The following DNAJC13 variants were observed in gnomAD, a reference collection of about 807,000 sequenced individuals.
DNAJC13 encodes the protein dnaJ homolog subfamily C member 13.
In DNAJC13, 75 loss-of-function variants were observed where a neutral mutation model predicts 290.5. The observed-to-expected ratio is 0.26, with a 90% CI of 0.21 to 0.31. DNAJC13 has a LOEUF of 0.31. Ranked by LOEUF, DNAJC13 falls within the 10% of genes least tolerant of loss-of-function variation. The probability of loss-of-function intolerance (pLI) is 1.00; values close to 1 mark genes in which losing one functional copy is unlikely to be tolerated. For synonymous variants in DNAJC13, 862 were observed against 892.0 expected (o/e 0.97, Z 0.60); for missense variants, 2,260 against 2,674.5 (o/e 0.85, Z 3.42).
rs996667937 is a variant in DNAJC13 at position 132,499,252 on chromosome 3, A to T, written c.4283A>T (p.His1428Leu). The T allele has an allele frequency of 6.2e-7, 1 of 1,614,148 alleles. No homozygotes were observed. The highest frequency in any genetic ancestry group is 1.1e-5 in the South Asian group (1 of 91,076). The stretch of plus-strand genomic sequence containing the variant: ...CCTGCGGCTACAGAGCTAGCTTTCC[A>T]TACTGTCAACTGTTCAGCCCTCAAT... ...LLPAATELAFHTVNCSALNAE... is the reference protein window; with the variant it reads ...LLPAATELAFLTVNCSALNAE... Residue 1428 changes from histidine (H) to leucine (L), a missense_variant, in exon 37 of 56, where the codon CAT becomes CTT. Coordinates refer to ENST00000260818, the MANE Select transcript of DNAJC13 (RefSeq NM_015268.4).
At chr3:132,479,737 T>G (rs1466354697) in intron 25 of DNAJC13, among the ~76,000 whole-genome samples, 2 of 152,116 alleles carry the variant, frequency 1.3e-5, no homozygotes, top group Non-Finnish European at 2.9e-5. Flanking sequence ...TAAAGACATT[T>G]TAATAGGTTC....
chr3:132,520,206 A>G (rs202208749), intron 48 of DNAJC13, among the ~76,000 whole-genome samples: 1 of 152,184 alleles, frequency 6.6e-6, no homozygotes, highest in East Asian at 1.9e-4. Context: ...ACAAATATTG[A>G]GCTCTTCTGT....
rs148707463 is a variant in DNAJC13 at position 132,456,785 on chromosome 3, G to A, written c.1302G>A (p.Arg434=). Reference sequence around the variant, plus strand: ...AGAGTCAGTTCCAGGCTGTGAGGAGGCTTGTGGCATCCAAAGCTGGTTTCC... The same window carrying A: ...AGAGTCAGTTCCAGGCTGTGAGGAGACTTGTGGCATCCAAAGCTGGTTTCC... ...ELESQFQAVR[R]LVASKAGFLA... is the part of the protein sequence containing the mutation. Residue 434 remains arginine (R), a synonymous_variant, in exon 12 of 56, where the codon AGG becomes AGA. Coordinates refer to ENST00000260818, the MANE Select transcript of DNAJC13 (RefSeq NM_015268.4). 1.1e-5 allele frequency: 18 copies of A among 1,613,780 alleles called. No individual in the cohort carries two copies. The highest frequency in any genetic ancestry group is 3.3e-4 in the Middle Eastern group (2 of 6,082).
chr3:132,508,377 A>G (rs1412135973), intron 43 of DNAJC13, among the ~76,000 whole-genome samples: 1 of 152,246 alleles, frequency 6.6e-6, no homozygotes, highest in Non-Finnish European at 1.5e-5. Flanking sequence ...AATGCCTTCT[A>G]TTGGGAGAGC....
intron 54 of DNAJC13, 152 bp downstream of exon 54, chr3:132,528,484 C>T (rs959207662): frequency 5.9e-5 from 52 of 874,560 alleles, no homozygotes; most frequent in Non-Finnish European, 7.9e-5. Flanking sequence ...ACTTGCATAC[C>T]TGCCTCATAA....
At chr3:132,459,949 GT>G (rs1253763034) in intron 13 of DNAJC13, among the ~76,000 whole-genome samples, 1 of 152,096 alleles carries the variant, frequency 6.6e-6, no homozygotes, top group Admixed American at 6.6e-5. Flanking sequence ...TCAAATTTTA[GT>G]TATAAAATTC....
intron 29 of DNAJC13, among the ~76,000 whole-genome samples, chr3:132,487,559 A>ATTTTTTTTTTTTTTTTTTTTTTTTTTGTT (rs10663131): frequency 9.0e-6 from 1 of 110,502 alleles, no homozygotes; most frequent in African/African-American, 5.3e-5. Flanking sequence ...CCTGGCTGTA[A>ATTTTTTTTTTTTTTTTTTTTTTTTTTGTT]TTTTTTTTTT....
rs935873717 is a variant in DNAJC13, at chr3:132,439,081, G to A, written c.68+4463G>A. Among the ~76,000 whole-genome samples the A allele has an allele frequency of 3.3e-5, 5 of 152,166 alleles. No homozygotes were observed. In the East Asian group the frequency reaches 9.6e-4, roughly 29 times the overall value. ...ATTTTTTCTGGATAAAAATTTATAA[G>A]TAAAATCTACCTGTGGATCACCTTA... is the stretch of plus-strand genomic sequence containing the variant. On this transcript the variant is annotated intron_variant, in intron 2 of 55. Coordinates refer to ENST00000260818, the MANE Select transcript of DNAJC13 (RefSeq NM_015268.4).
chr3:132,426,256 A>G (rs1939086264), intron 1 of DNAJC13, among the ~76,000 whole-genome samples: 2 of 152,222 alleles, frequency 1.3e-5, no homozygotes, highest in Non-Finnish European at 2.9e-5. Context: ...AGGATATAGC[A>G]TGAAAACAAG....
At chr3:132,474,892 T>G in intron 21 of DNAJC13, 40 bp from the exon 22 acceptor site, 2 of 1,266,114 alleles carry the variant, frequency 1.6e-6, no homozygotes, top group East Asian at 3.2e-5. Context: ...TTTAAAATGC[T>G]TAGTGCATCC....
chr3:132,506,020 C>T (rs993258493), intron 42 of DNAJC13, among the ~76,000 whole-genome samples: 23 of 140,190 alleles, frequency 1.6e-4, no homozygotes, highest in African/African-American at 4.8e-4. Context: ...CTAGGGAGAA[C>T]GGGTCTTACA....
intron 1 of DNAJC13, among the ~76,000 whole-genome samples, chr3:132,421,136 A>T (rs1392997803): frequency 6.6e-6 from 1 of 152,236 alleles, no homozygotes; most frequent in Non-Finnish European, 1.5e-5. Context: ...GTGGAAAATT[A>T]GTAACATATA....
intron 32 of DNAJC13, among the ~76,000 whole-genome samples, chr3:132,491,734 A>G (rs1457555530): frequency 6.6e-6 from 1 of 152,148 alleles, no homozygotes; most frequent in Admixed American, 6.6e-5. Flanking sequence ...GCTAGATAGC[A>G]TTAGATCTTC....
intron 39 of DNAJC13, among the ~76,000 whole-genome samples, chr3:132,501,274 G>A (rs62292958): frequency 0.03 from 4,522 of 152,230 alleles, 119 homozygotes; most frequent in East Asian, 0.1. Context: ...GCCGAGGTTG[G>A]CAGATCACTT....
At chr3:132,460,192 G>GATGCTAGC in intron 13 of DNAJC13, 58 bp from the exon 14 acceptor site, 2 of 1,143,318 alleles carry the variant, frequency 1.7e-6, no homozygotes, top group South Asian at 3.0e-5. Context: ...ACTTTTGCGT[G>GATGCTAGC]ATGCTAGCAC....
intron 32 of DNAJC13, 87 bp from the exon 33 acceptor site, chr3:132,492,326 AT>A: frequency 7.6e-7 from 1 of 1,313,962 alleles, no homozygotes; most frequent in Non-Finnish European, 1.1e-6. Flanking sequence ...TAGATGATTC[AT>A]GTAACTATCT....
At chr3:132,429,711 G>A (rs1210177942) in intron 1 of DNAJC13, among the ~76,000 whole-genome samples, 1 of 152,146 alleles carries the variant, frequency 6.6e-6, no homozygotes, top group Non-Finnish European at 1.5e-5. Context: ...TGGTAATATA[G>A]CATTGAATTA....
chr3:132,528,410 A>G (rs1936324248), intron 54 of DNAJC13, 78 bp downstream of exon 54: 1 of 1,529,108 alleles, frequency 6.5e-7, no homozygotes, highest in South Asian at 1.2e-5. Context: ...ACCTGTGTTC[A>G]AGTTCCACTT....
intron 1 of DNAJC13, among the ~76,000 whole-genome samples, chr3:132,432,004 G>T (rs1458749545): frequency 6.6e-6 from 1 of 152,132 alleles, no homozygotes; most frequent in Non-Finnish European, 1.5e-5. Flanking sequence ...GAGTGAATTT[G>T]TGGTATGTGA....
Sources: gnomAD v4.1 joint callset for allele counts (sites outside exome capture counted in the v4.1 genomes callset) on GRCh38, gnomAD v4.1.1 for gene constraint, MANE v1.5 for transcripts, NCBI Gene and HGNC (gene_info 2026-07-23, HGNC 2026-07-21) for gene names.